GRK5: variants seen among roughly 807,000 people sequenced by gnomAD.
The protein encoded by GRK5 is G protein-coupled receptor kinase 5, also known as g protein-coupled receptor kinase GRK5.
A neutral mutation model predicts 78.4 loss-of-function variants in GRK5; 40 were observed. The observed-to-expected ratio is 0.51, with a 90% confidence interval of 0.40 to 0.66. The LOEUF (loss-of-function observed/expected upper bound fraction) is 0.66. Ranked by LOEUF, GRK5 falls within the 30% of genes least tolerant of loss-of-function variation. The probability of loss-of-function intolerance (pLI) is 0.00; values close to 1 mark genes in which losing one functional copy is unlikely to be tolerated. For missense variants in GRK5, 598 were observed against 759.9 expected (o/e 0.79, Z 2.50); for synonymous variants, 289 against 296.8 (o/e 0.97, Z 0.27).
chr10:119,394,261 T>TGTGTGTGTGGGCAC lies in GRK5; in HGVS notation c.262-2425_262-2424insGGCACGTGTGTGTG, dbSNP rs1564916865. ...GTGGGTGTCTGTGTGTGGATGTATC[T>TGTGTGTGTGGGCAC]GTGTGTGTGTGGGCGTGTGTGTGGG... On this transcript the variant is annotated intron_variant, in intron 3 of 15. Coordinates refer to ENST00000392870, the MANE Select transcript of GRK5 (RefSeq NM_005308.3). Among the ~76,000 whole-genome samples, 43 of 8,094 alleles carry TGTGTGTGTGGGCAC rather than the reference T, an allele frequency of 5.3e-3. 1 individual carries two copies. The highest frequency in any genetic ancestry group is 0.036 in the Middle Eastern group (1 of 28). 5.3% of individuals were successfully genotyped at this position (8,094 alleles called of 152,430 possible).
chr10:119,282,136 C>T (rs1322893978), intron 1 of GRK5, among the ~76,000 whole-genome samples: 1 of 152,180 alleles, frequency 6.6e-6, no homozygotes, highest in African/African-American at 2.4e-5. Context: ...TCCTTGAGTT[C>T]GGACCCAAGC....
chr10:119,381,899 C>T (rs913991118), intron 3 of GRK5, among the ~76,000 whole-genome samples: 1 of 152,190 alleles, frequency 6.6e-6, no homozygotes, highest in East Asian at 1.9e-4. Context: ...TTCAAGATCT[C>T]GATGTGCATC....
intron 4 of GRK5, among the ~76,000 whole-genome samples, chr10:119,404,802 C>A (rs1852206432): frequency 6.6e-6 from 1 of 152,218 alleles, no homozygotes; most frequent in Non-Finnish European, 1.5e-5. Context: ...GGGCTTTGAG[C>A]CCTTCCATTC....
At chr10:119,342,704 C>T (rs1435766440) in intron 2 of GRK5, among the ~76,000 whole-genome samples, 6 of 152,148 alleles carry the variant, frequency 3.9e-5, no homozygotes, top group Admixed American at 3.3e-4. Context: ...CTGTTAAGCC[C>T]CTCTTCCTTC....
rs1253397411 is a variant in GRK5, at chr10:119,378,120, T to C, written c.149-2695T>C. 2 of 153,586 alleles carry C rather than the reference T, an allele frequency of 1.3e-5. No individual in the cohort carries two copies. Among genetic ancestry groups the C allele is most frequent in the Non-Finnish European group, 2.9e-5 (2 of 68,180 alleles). The allele number at this position is 153,586 out of a possible 1,614,324, so 9.5% of individuals were successfully genotyped here. A position where few individuals can be genotyped will look rare whatever the true frequency, so the allele number is the denominator to read the frequency against. On this transcript the variant is annotated intron_variant, in intron 2 of 15. Coordinates refer to ENST00000392870, the MANE Select transcript of GRK5 (RefSeq NM_005308.3). The surrounding 1 kb of genome is among the most constrained non-coding windows in gnomAD (Gnocchi z 4.5). ...CATTTTATTACTGTCATTTGAGATC[T>C]TGTCTGTTCACCCACACACACTCCT... is the stretch of plus-strand genomic sequence containing the variant.
intron 4 of GRK5, among the ~76,000 whole-genome samples, chr10:119,420,554 T>C (rs779295525): frequency 3.3e-5 from 5 of 151,260 alleles, no homozygotes; most frequent in Non-Finnish European, 5.9e-5. Flanking sequence ...CTCTTTTTTC[T>C]TTTTTTTCTT....
rs745530311 is a variant in GRK5, at chr10:119,380,918, G to T, written c.252G>T (p.Leu84=). 1 of 1,603,854 alleles carries T rather than the reference G, an allele frequency of 6.2e-7. No homozygotes were observed. Among genetic ancestry groups the T allele is most frequent in the South Asian group, 1.1e-5 (1 of 90,842 alleles). Residue 84 remains leucine, a synonymous_variant, in exon 3 of 16, where the codon CTG becomes CTT. Transcript: ENST00000392870. The stretch of plus-strand genomic sequence containing the variant: ...GGCTGGAGTGTTACATTCAGTTCCT[G>T]GACTCCGTGGTAAGTTCCTGCTCCT... ...RPGLECYIQF[L]DSVAEYEVTP...
rs560332857 is a variant in GRK5, at chr10:119,406,605, A to G, written c.339+9833A>G. On this transcript the variant is annotated intron_variant, in intron 4 of 15. Coordinates refer to ENST00000392870, the MANE Select transcript of GRK5 (RefSeq NM_005308.3). ...CCCGGAACAGGTCATCCTGTTGTCA[A>G]TTAATCTAGTGAGCTCAGACTCCAC... is the stretch of plus-strand genomic sequence containing the variant. The G allele has an allele frequency of 4.0e-5, 15 of 378,472 alleles. No individual in the cohort carries two copies. The South Asian group carries it at 9.5e-4, about 24-fold the overall frequency. 23.4% of individuals were successfully genotyped at this position (378,472 alleles called of 1,614,324 possible).
chr10:119,396,699 A>T lies in GRK5; in HGVS notation c.266A>T (p.Glu89Val). ...CYIQFLDSVA[E>V]YEVTPDEKLG... Reference sequence around the variant, plus strand: ...TTTTTTCTCCTTCTGTTTTAGGCAGAATATGAAGTTACTCCAGATGAAAAA... The same window carrying T: ...TTTTTTCTCCTTCTGTTTTAGGCAGTATATGAAGTTACTCCAGATGAAAAA... The change falls in exon 4 of 16, where the codon GAA becomes GTA. Residue 89 changes from glutamate (E) to valine (V), a missense_variant. Coordinates refer to ENST00000392870, the MANE Select transcript of GRK5 (RefSeq NM_005308.3). The T allele has an allele frequency of 2.5e-6, 4 of 1,611,402 alleles. No individual in the cohort carries two copies. The highest frequency in any genetic ancestry group is 3.4e-6 in the Non-Finnish European group (4 of 1,177,456).
intron 1 of GRK5, among the ~76,000 whole-genome samples, chr10:119,225,122 C>T (rs1284278594): frequency 6.6e-6 from 1 of 152,092 alleles, no homozygotes; most frequent in Non-Finnish European, 1.5e-5. Context: ...GAAAAAAACC[C>T]GCCACTGCTA....
chr10:119,365,030 T>G (rs1219434456), intron 2 of GRK5, among the ~76,000 whole-genome samples: 1 of 152,216 alleles, frequency 6.6e-6, no homozygotes, highest in Non-Finnish European at 1.5e-5. Flanking sequence ...GTTACAGACC[T>G]GTTTCAAGCC....
At chr10:119,356,386 C>T (rs1751173628) in intron 2 of GRK5, among the ~76,000 whole-genome samples, 2 of 152,210 alleles carry the variant, frequency 1.3e-5, no homozygotes, top group African/African-American at 4.8e-5. Flanking sequence ...GAATCACAAT[C>T]ACCTTGGACT....
chr10:119,339,537 G>A (rs1475665853), intron 2 of GRK5, among the ~76,000 whole-genome samples: 1 of 152,096 alleles, frequency 6.6e-6, no homozygotes, highest in African/African-American at 2.4e-5. Context: ...GGAGTGGGGG[G>A]TTGCAGGGAA....
intron 8 of GRK5, among the ~76,000 whole-genome samples, chr10:119,436,126 T>C (rs959693485): frequency 3.9e-5 from 6 of 152,110 alleles, no homozygotes; most frequent in African/African-American, 1.4e-4. Flanking sequence ...AAGATGAGAT[T>C]TGGGTGGGGA....
chr10:119,314,021 C>T (rs1351170513), intron 1 of GRK5, among the ~76,000 whole-genome samples: 1 of 152,240 alleles, frequency 6.6e-6, no homozygotes, highest in African/African-American at 2.4e-5. Flanking sequence ...ACATTTCAGA[C>T]ACTCATAGCT....
chr10:119,352,574 A>G lies in GRK5; in HGVS notation c.148+25963A>G, dbSNP rs138825935. Among the ~76,000 whole-genome samples, 158 of 152,102 alleles carry G rather than the reference A, an allele frequency of 1.0e-3. 1 individual carries two copies. The highest frequency in any genetic ancestry group is 3.5e-3 in the African/African-American group (146 of 41,508). The stretch of plus-strand genomic sequence containing the variant: ...AGTGGGTAAGAAAAAGCCTCCTCTA[A>G]CCAGACTTGCCTCTGGAGTGGCCCC... On this transcript the variant is annotated intron_variant, in intron 2 of 15. Transcript: ENST00000392870.
Position 119,374,193 on chromosome 10 carries a change from G to T in GRK5, c.149-6622G>T, listed in dbSNP as rs1851590572. Among the ~76,000 whole-genome samples, 4 of 152,230 alleles carry T rather than the reference G, an allele frequency of 2.6e-5. No homozygotes were observed. The South Asian group carries it at 8.3e-4, about 32-fold the overall frequency. On this transcript the variant is annotated intron_variant, in intron 2 of 15. Coordinates refer to ENST00000392870, the MANE Select transcript of GRK5 (RefSeq NM_005308.3). ...CATGCCAAGAAGGTTTGCAGGTTGA[G>T]AAGGGGCTTAGAGGTTATTATTCGA...
chr10:119,316,531 G>A (rs866059856), intron 1 of GRK5, among the ~76,000 whole-genome samples: 4 of 152,202 alleles, frequency 2.6e-5, no homozygotes, highest in Admixed American at 1.3e-4. Context: ...TTCTGACCAC[G>A]GCAACAGATT....
intron 1 of GRK5, among the ~76,000 whole-genome samples, chr10:119,225,830 C>T (rs1194636427): frequency 2.7e-5 from 4 of 150,054 alleles, no homozygotes; most frequent in Non-Finnish European, 5.9e-5. Context: ...ACCACTGTGC[C>T]CGGCTAATTT....
Sources: allele counts gnomAD v4.1 joint callset (sites outside exome capture counted in the v4.1 genomes callset), GRCh38; gene constraint gnomAD v4.1.1; non-coding constraint Gnocchi (gnomAD v3.1); transcripts MANE v1.5; gene names NCBI Gene and HGNC (gene_info 2026-07-23, HGNC 2026-07-21).